Variants in ASPRV1 observed in about 807,000 individuals in gnomAD.
ASPRV1 encodes aspartic peptidase retroviral like 1.
A neutral mutation model predicts 11.0 loss-of-function variants in ASPRV1; 7 were observed. The observed-to-expected ratio is 0.64, with a 90% confidence interval of 0.36 to 1.20. ASPRV1 has a LOEUF of 1.20. ASPRV1 is among the 50% of genes most tolerant of loss of function. The probability of loss-of-function intolerance (pLI) is 0.02; values close to 1 mark genes in which losing one functional copy is unlikely to be tolerated. For missense variants in ASPRV1, 299 were observed against 320.0 expected, an observed-to-expected ratio of 0.93 and a Z score of 0.50; for synonymous variants, 136 against 138.4, an observed-to-expected ratio of 0.98 and a Z score of 0.12.
At chr2:70,084,479 G>T in the ASPRV1 span, among the ~76,000 whole-genome samples, 1 of 152,186 alleles carries the variant, frequency 6.6e-6, no homozygotes, top group Non-Finnish European at 1.5e-5. Flanking sequence ...CTTAATAGCT[G>T]TGTGACCTTG....
At chr2:70,005,106 A>T in the ASPRV1 span, among the ~76,000 whole-genome samples, 1 of 152,072 alleles carries the variant, frequency 6.6e-6, no homozygotes, top group Non-Finnish European at 1.5e-5. Context: ...CTGTTTCCCA[A>T]GCTGGAGTGC....
chr2:69,948,083 C>CAAAAAAAAAAAA, the ASPRV1 span, among the ~76,000 whole-genome samples: 13 of 137,984 alleles, frequency 9.4e-5, no homozygotes, highest in South Asian at 2.3e-4. Context: ...CCCCGTCTCT[C>CAAAAAAAAAAAA]AAAAAAAAAA....
the ASPRV1 span, among the ~76,000 whole-genome samples, chr2:70,035,385 T>C: frequency 2.0e-5 from 3 of 152,008 alleles, no homozygotes; most frequent in Non-Finnish European, 2.9e-5. Context: ...CACTATAAAA[T>C]CTGAGCAATA....
At chr2:70,049,327 G>A in the ASPRV1 span, 1 of 151,596 alleles carries the variant, frequency 6.6e-6, no homozygotes, top group Admixed American at 6.6e-5. Context: ...GACTATGACT[G>A]GCACACAATA....
At chr2:70,007,105 G>A in the ASPRV1 span, among the ~76,000 whole-genome samples, 1 of 152,240 alleles carries the variant, frequency 6.6e-6, no homozygotes, top group Admixed American at 6.5e-5. Flanking sequence ...AACATAGTCT[G>A]TGGTCAATAA....
At chr2:70,003,921 G>A in the ASPRV1 span, among the ~76,000 whole-genome samples, 1 of 152,118 alleles carries the variant, frequency 6.6e-6, no homozygotes, top group African/African-American at 2.4e-5. Context: ...TTCCACCATG[G>A]GCTGACGCAG....
chr2:70,033,176 C>T, the ASPRV1 span, among the ~76,000 whole-genome samples: 1 of 151,994 alleles, frequency 6.6e-6, no homozygotes, highest in African/African-American at 2.4e-5. Context: ...GACTTCTTAT[C>T]TCACTCACTT....
At chr2:70,052,473 C>G in the ASPRV1 span, among the ~76,000 whole-genome samples, 1 of 152,076 alleles carries the variant, frequency 6.6e-6, no homozygotes, top group Admixed American at 6.6e-5. Context: ...CAACATCTAA[C>G]AAGATTAATA....
At chr2:70,018,204 A>T in the ASPRV1 span, 1 of 151,962 alleles carries the variant, frequency 6.6e-6, no homozygotes, top group East Asian at 1.9e-4. Context: ...CTTAGGAATA[A>T]ATTTAATCAA....
At chr2:70,086,711 G>A in the ASPRV1 span, among the ~76,000 whole-genome samples, 5 of 152,376 alleles carry the variant, frequency 3.3e-5, no homozygotes, top group Non-Finnish European at 7.3e-5. Context: ...CGACACAAGG[G>A]CAGGAGGTGG....
the ASPRV1 span, among the ~76,000 whole-genome samples, chr2:69,945,645 CCTCCCCGG>C: frequency 1.3e-5 from 2 of 152,228 alleles, no homozygotes; most frequent in Non-Finnish European, 2.9e-5. Context: ...CTTCCGGGAG[CCTCCCCGG>C]CTGTGGGTGA....
chr2:70,026,001 C>T, the ASPRV1 span, among the ~76,000 whole-genome samples: 1 of 152,214 alleles, frequency 6.6e-6, no homozygotes, highest in East Asian at 1.9e-4. Context: ...GATGCCACAT[C>T]ATGGGCACTT....
the ASPRV1 span, among the ~76,000 whole-genome samples, chr2:70,084,509 C>A: frequency 6.6e-6 from 1 of 152,304 alleles, no homozygotes; most frequent in South Asian, 2.1e-4. Context: ...CTTCACTAAT[C>A]TGTACCTCTG....
At chr2:69,990,454 G>C in the ASPRV1 span, among the ~76,000 whole-genome samples, 8 of 152,136 alleles carry the variant, frequency 5.3e-5, no homozygotes. Flanking sequence ...AAAGTGCTTG[G>C]ATTACAGGCA....
chr2:69,992,000 G>A, the ASPRV1 span, among the ~76,000 whole-genome samples: 1 of 152,182 alleles, frequency 6.6e-6, no homozygotes, highest in East Asian at 1.9e-4. Context: ...ATGACCACCC[G>A]TGGGGAACGT....
chr2:70,001,520 G>A, the ASPRV1 span, among the ~76,000 whole-genome samples: 36 of 152,280 alleles, frequency 2.4e-4, no homozygotes, highest in Non-Finnish European at 4.6e-4. Context: ...CACTTTGTGA[G>A]GCCGAGGCAG....
chr2:70,066,244 T>A, the ASPRV1 span, among the ~76,000 whole-genome samples: 8 of 145,858 alleles, frequency 5.5e-5, no homozygotes, highest in Non-Finnish European at 1.2e-4. Flanking sequence ...ACTAACATCA[T>A]TTTTTTTTTT....
At chr2:69,989,078 T>G in the ASPRV1 span, among the ~76,000 whole-genome samples, 1 of 152,296 alleles carries the variant, frequency 6.6e-6, no homozygotes, top group East Asian at 1.9e-4. Flanking sequence ...GGGGCCACTT[T>G]GCAAGAATCT....
chr2:69,983,616 C>A, the ASPRV1 span, among the ~76,000 whole-genome samples: 3 of 152,176 alleles, frequency 2.0e-5, no homozygotes, highest in South Asian at 4.1e-4. Context: ...GTGGAGGAAT[C>A]TGAGGAATGG....
Sources: gnomAD v4.1 joint callset for allele counts (sites outside exome capture counted in the v4.1 genomes callset) on GRCh38, gnomAD v4.1.1 for gene constraint, MANE v1.5 for transcripts, NCBI Gene and HGNC (gene_info 2026-07-23, HGNC 2026-07-21) for gene names.